C6orf62: variants seen among roughly 807,000 people sequenced by gnomAD.
The protein encoded by C6orf62 is chromosome 6 open reading frame 62.
A neutral mutation model predicts 26.8 loss-of-function variants in C6orf62; 16 were observed. The observed-to-expected ratio is 0.60, with a 90% CI of 0.40 to 0.91. The LOEUF is 0.91. C6orf62 is among the 40% of genes least tolerant of loss of function. C6orf62 has a pLI of 0.00. For synonymous variants in C6orf62, 112 were observed against 91.5 expected, an observed-to-expected ratio of 1.22 and a Z score of -1.28; for missense variants, 192 against 271.4, an observed-to-expected ratio of 0.71 and a Z score of 2.06.
intron 4 of C6orf62, among the ~76,000 whole-genome samples, chr6:24,707,477 C>T (rs540991535): frequency 1.0e-3 from 157 of 151,914 alleles, no homozygotes; most frequent in African/African-American, 3.7e-3. Context: ...CCTGCCTCAG[C>T]CTCCAGAGTA....
At chr6:24,707,311 C>T (rs1412368757) in intron 4 of C6orf62, among the ~76,000 whole-genome samples, 1 of 151,874 alleles carries the variant, frequency 6.6e-6, no homozygotes, top group Non-Finnish European at 1.5e-5. Flanking sequence ...AACTAAATTG[C>T]AATACTTGGA....
intron 4 of C6orf62, 125 bp downstream of exon 4, chr6:24,708,652 T>C: frequency 7.3e-7 from 1 of 1,374,612 alleles, no homozygotes; most frequent in Non-Finnish European, 1.0e-6. Context: ...TTTTGCTTTT[T>C]AAATAACTTC....
At chr6:24,710,456 A>T in intron 3 of C6orf62, 2 of 415,006 alleles carry the variant, frequency 4.8e-6, no homozygotes, top group Non-Finnish European at 6.5e-6. Flanking sequence ...TAGAGATAGG[A>T]CTTCTTTATG....
intron 3 of C6orf62, among the ~76,000 whole-genome samples, chr6:24,713,583 T>C (rs1779169305): frequency 6.6e-6 from 1 of 152,156 alleles, no homozygotes; most frequent in African/African-American, 2.4e-5. Flanking sequence ...ATTTTTCTGA[T>C]TATAAAAGTA....
In C6orf62 at chr6:24,719,079, A is replaced by C; in HGVS notation, c.-411T>G. ...ACAGCTGACACCAGACCAATCCCTA[A>C]AATCCATCCGGATTTTCCCCCCTTT... On this transcript the variant is annotated 5_prime_UTR_variant, in exon 1 of 5. Transcript: ENST00000378119. The C allele has an allele frequency of 1.0e-6, 1 of 993,428 alleles. No homozygotes were observed. Among genetic ancestry groups the C allele is most frequent in the Non-Finnish European group, 1.2e-6 (1 of 835,042 alleles). 61.5% of individuals were successfully genotyped at this position (993,428 alleles called of 1,614,324 possible).
In C6orf62 at chr6:24,714,181, C is replaced by A. The variant is rs1390734725; in HGVS notation, c.429+137G>T. The stretch of plus-strand genomic sequence containing the variant: ...CCAAACGCTTTCTTCTCTTGCATCA[C>A]AATATTCTAAATAGGGGAGACTCGT... On this transcript the variant is annotated intron_variant, in intron 3 of 4. Transcript: ENST00000378119. 12 of 619,792 alleles carry A rather than the reference C, an allele frequency of 1.9e-5. 1 individual carries two copies. In the South Asian group the frequency reaches 4.0e-4, roughly 20 times the overall value. 38.4% of individuals were successfully genotyped at this position (619,792 alleles called of 1,614,324 possible).
At chr6:24,720,445 G>A, upstream of C6orf62, 1 of 1,091,986 alleles carries the variant, frequency 9.2e-7, no homozygotes, top group Non-Finnish European at 1.1e-6. Context: ...CCCATAGTCT[G>A]GCTCGGCGCC....
At chr6:24,710,125 G>A (rs1647594493) in intron 3 of C6orf62, 1 of 984,688 alleles carries the variant, frequency 1.0e-6, no homozygotes, top group Admixed American at 6.2e-5. Flanking sequence ...CATGCTATTA[G>A]CTACTAAACA....
intron 4 of C6orf62, among the ~76,000 whole-genome samples, chr6:24,707,761 T>C (rs1779037402): frequency 6.6e-6 from 1 of 151,900 alleles, no homozygotes; most frequent in South Asian, 2.1e-4. Flanking sequence ...CCCAGCACTT[T>C]GGTAGGCCAA....
chr6:24,719,297 G>A, upstream of C6orf62: 2 of 989,788 alleles, frequency 2.0e-6, no homozygotes, highest in African/African-American at 1.7e-5. Flanking sequence ...AGTTATTTCA[G>A]ATTTCACTAT....
upstream of C6orf62, chr6:24,720,098 G>A (rs1779325022): frequency 2.4e-5 from 30 of 1,244,430 alleles, no homozygotes; most frequent in South Asian, 4.2e-4. Flanking sequence ...AGTTTGGATT[G>A]TTTAGGGTGG....
intron 1 of C6orf62, among the ~76,000 whole-genome samples, chr6:24,718,159 C>G (rs1779271626): frequency 6.6e-6 from 1 of 152,186 alleles, no homozygotes; most frequent in African/African-American, 2.4e-5. Flanking sequence ...AGCATATAAA[C>G]AGTCTGATTA....
At chr6:24,719,379 G>C, upstream of C6orf62, 7 of 1,006,292 alleles carry the variant, frequency 7.0e-6, no homozygotes, top group Non-Finnish European at 8.3e-6. Flanking sequence ...AAAATCGGTA[G>C]AGAAGGAAAG....
upstream of C6orf62, chr6:24,720,281 G>C (rs1002397812): frequency 8.5e-6 from 11 of 1,300,322 alleles, no homozygotes; most frequent in Non-Finnish European, 1.1e-5. Flanking sequence ...GGCGGCGGCG[G>C]AAGAGGCGGC....
chr6:24,709,237 A>G (rs928112269), intron 3 of C6orf62: 1 of 985,182 alleles, frequency 1.0e-6, no homozygotes, highest in Non-Finnish European at 1.2e-6. Flanking sequence ...AGTACACTCC[A>G]CAACAGCAGT....
chr6:24,718,926 G>A lies in C6orf62; in HGVS notation c.-258C>T. ...TTTGGGGTCAGACGGGAAAAAGGGAGGAAAGAAAGGAAAGAAAGAGGAGAA... is the reference window on the plus strand; with the variant it reads ...TTTGGGGTCAGACGGGAAAAAGGGAAGAAAGAAAGGAAAGAAAGAGGAGAA... On this transcript the variant is annotated 5_prime_UTR_variant, in exon 1 of 5. Coordinates refer to ENST00000378119, the MANE Select transcript of C6orf62 (RefSeq NM_030939.5). 2.4e-5 allele frequency: 29 copies of A among 1,231,028 alleles called. No homozygotes were observed. The highest frequency in any genetic ancestry group is 9.1e-5 in the East Asian group (2 of 22,066). 76.3% of individuals were successfully genotyped at this position (1,231,028 alleles called of 1,614,324 possible).
At chr6:24,715,403 G>C (rs1409365733) in intron 2 of C6orf62, among the ~76,000 whole-genome samples, 1 of 152,090 alleles carries the variant, frequency 6.6e-6, no homozygotes, top group African/African-American at 2.4e-5. Context: ...AATAAACGGA[G>C]ACATAAGACA....
chr6:24,713,690 T>C (rs543256933), intron 3 of C6orf62, among the ~76,000 whole-genome samples: 1 of 152,306 alleles, frequency 6.6e-6, no homozygotes, highest in South Asian at 2.1e-4. Flanking sequence ...ATACCTGACC[T>C]ACAACTAAGC....
intron 2 of C6orf62, 58 bp from the exon 3 acceptor site, chr6:24,714,498 A>C (rs1779186504): frequency 7.5e-7 from 1 of 1,337,686 alleles, no homozygotes; most frequent in South Asian, 1.4e-5. Flanking sequence ...ACATCAAGCC[A>C]TGTCACAAAT....
Sources: allele counts gnomAD v4.1 joint callset (sites outside exome capture counted in the v4.1 genomes callset), GRCh38; gene constraint gnomAD v4.1.1; transcripts MANE v1.5; gene names NCBI Gene and HGNC (gene_info 2026-07-23, HGNC 2026-07-21).